SRRM4: variants seen among roughly 807,000 people sequenced by gnomAD.
SRRM4 encodes serine/arginine repetitive matrix protein 4.
Under a neutral mutation model 68.9 loss-of-function variants are expected in SRRM4, and 33 were observed. The observed-to-expected ratio is 0.48, with a 90% confidence interval of 0.36 to 0.64. The LOEUF is 0.64. SRRM4 is among the 30% of genes least tolerant of loss of function. SRRM4 has a pLI of 0.00. For missense variants in SRRM4, 817 were observed against 827.1 expected (o/e 0.99, Z 0.15); for synonymous variants, 318 against 318.8 (o/e 1.00, Z 0.03).
chr12:119,044,579 C>G (rs1398243894), intron 1 of SRRM4, among the ~76,000 whole-genome samples: 1 of 152,048 alleles, frequency 6.6e-6, no homozygotes, highest in Non-Finnish European at 1.5e-5. Context: ...TGGGCACAAG[C>G]TTTAGACCCA....
chr12:119,009,369 ACCTCTGCTCCCTGTC>A (rs1953435442), intron 1 of SRRM4, among the ~76,000 whole-genome samples: 1 of 151,974 alleles, frequency 6.6e-6, no homozygotes, highest in East Asian at 1.9e-4. Context: ...GTAGAGGTTC[ACCTCTGCTCCCTGTC>A]TCAGAGGGCC....
chr12:119,006,977 C>T (rs1203528771), intron 1 of SRRM4, among the ~76,000 whole-genome samples: 2 of 152,194 alleles, frequency 1.3e-5, no homozygotes, highest in African/African-American at 4.8e-5. Context: ...TTGGGATTGG[C>T]AGCTGCGGGC....
At chr12:119,136,921 G>A (rs1954332685) in intron 8 of SRRM4, among the ~76,000 whole-genome samples, 1 of 152,062 alleles carries the variant, frequency 6.6e-6, no homozygotes, top group Non-Finnish European at 1.5e-5. Flanking sequence ...AGCCCTAAAG[G>A]ACTTTGTTGT....
chr12:119,122,264 AAGGCAGGAAGGC>A (rs1954224680), intron 6 of SRRM4, 144 bp downstream of exon 6: 1 of 262,198 alleles, frequency 3.8e-6, no homozygotes, highest in African/African-American at 3.5e-5. Flanking sequence ...GGAAGGCAGG[AAGGCAGGAAGGC>A]AGGAAGGCAG....
chr12:119,020,160 C>A (rs1022832691), intron 1 of SRRM4, among the ~76,000 whole-genome samples: 2 of 152,006 alleles, frequency 1.3e-5, no homozygotes, highest in South Asian at 4.1e-4. Flanking sequence ...GGTGGTGGTG[C>A]TGCATGGGGC....
chr12:119,151,235 G>A lies in SRRM4; in HGVS notation c.1280+15G>A, dbSNP rs1270758787. 2 of 1,610,060 alleles carry A rather than the reference G, an allele frequency of 1.2e-6. No individual in the cohort carries two copies. On this transcript the variant is annotated intron_variant, in intron 10 of 12. Transcript: ENST00000267260. ...TCTGAAAAAAGGTGAGTGTGGTTTT[G>A]ACCTTTGCTCTGCAGCACCTTTCTC...
At chr12:119,032,517 T>TA (rs1416103810) in intron 1 of SRRM4, among the ~76,000 whole-genome samples, 3 of 152,104 alleles carry the variant, frequency 2.0e-5, no homozygotes, top group Admixed American at 2.0e-4. Context: ...CTTTTTGGAA[T>TA]AAATCTCACT....
chr12:119,100,327 C>CAAAAAA lies in SRRM4; in HGVS notation c.132-1898_132-1893dup, dbSNP rs34887621. Among the ~76,000 whole-genome samples, 33 of 105,432 alleles carry CAAAAAA rather than the reference C, an allele frequency of 3.1e-4. 3 individuals carry two copies. Among genetic ancestry groups the CAAAAAA allele is most frequent in the African/African-American group, 9.7e-4 (26 of 26,826 alleles). 69.2% of individuals were successfully genotyped at this position (105,432 alleles called of 152,430 possible). A position where few individuals can be genotyped will look rare whatever the true frequency, so the allele number is the denominator to read the frequency against. ...ACAATACAGTGGGACCCTGTCTCTA[C>CAAAAAA]AAAAAAAAAAAAAAAATCTGGGTGT... On this transcript the variant is annotated intron_variant, in intron 1 of 12. Coordinates refer to ENST00000267260, the MANE Select transcript of SRRM4 (RefSeq NM_194286.4).
At chr12:119,148,833 G>C (rs1262848020) in intron 9 of SRRM4, among the ~76,000 whole-genome samples, 3 of 152,214 alleles carry the variant, frequency 2.0e-5, no homozygotes, top group East Asian at 3.8e-4. Flanking sequence ...GTCCATGACT[G>C]TTTATGTCAT....
rs79114248 is a variant in SRRM4, at chr12:119,077,388, G to A, written c.132-24848G>A. 8.8e-3 allele frequency among the ~76,000 whole-genome samples: 1,345 copies of A among 152,058 alleles called. 22 individuals carry two copies. Among genetic ancestry groups the A allele is most frequent in the African/African-American group, 0.031 (1,274 of 41,466 alleles). On this transcript the variant is annotated intron_variant, in intron 1 of 12. Transcript: ENST00000267260. ...CTAGACTTGGAATTAACACACTTAC[G>A]ATTCTGGCTCTATCATGTACCAGCT...
chr12:118,983,061 G>A (rs1410284414), intron 1 of SRRM4, among the ~76,000 whole-genome samples: 1 of 152,138 alleles, frequency 6.6e-6, no homozygotes, highest in East Asian at 1.9e-4. Flanking sequence ...ATTAATCCTG[G>A]CAGTCTGCAT....
intron 2 of SRRM4, among the ~76,000 whole-genome samples, chr12:119,107,678 T>C (rs1954115704): frequency 6.6e-6 from 1 of 152,212 alleles, no homozygotes; most frequent in Admixed American, 6.5e-5. Flanking sequence ...CCTTTATCAT[T>C]TTTTATTGTG....
chr12:118,992,009 A>G (rs1347581551), intron 1 of SRRM4: 1 of 152,178 alleles, frequency 6.6e-6, no homozygotes. Context: ...AACATATTGG[A>G]ACCATAGTGC....
intron 1 of SRRM4, among the ~76,000 whole-genome samples, chr12:119,048,084 T>C (rs753564031): frequency 4.3e-4 from 65 of 152,242 alleles, no homozygotes; most frequent in Non-Finnish European, 4.0e-4. Flanking sequence ...AAATATTCTT[T>C]TATGTTGCCC....
In SRRM4 at chr12:119,157,982, G is replaced by A. The variant is rs1954484866; in HGVS notation, c.*1184G>A. On this transcript the variant is annotated 3_prime_UTR_variant, in exon 13 of 13. Transcript: ENST00000267260. This position sits in a 1 kb window ranked among gnomAD's most constrained non-coding sequence, Gnocchi z 4.1. ...GAGGGGCTTGGATATGCCATGTCTTGGGCTCCTGCTGGCTTCTGAGGTTTC... is the reference window on the plus strand; with the variant it reads ...GAGGGGCTTGGATATGCCATGTCTTAGGCTCCTGCTGGCTTCTGAGGTTTC... The A allele has an allele frequency of 6.5e-6, 1 of 152,748 alleles. No homozygotes were observed. The highest frequency in any genetic ancestry group is 2.4e-5 in the African/African-American group (1 of 41,440). The allele number at this position is 152,748 out of a possible 1,614,324, so 9.5% of individuals were successfully genotyped here.
At chr12:119,103,480 A>G (rs1377577535) in intron 2 of SRRM4, among the ~76,000 whole-genome samples, 1 of 152,130 alleles carries the variant, frequency 6.6e-6, no homozygotes, top group African/African-American at 2.4e-5. Flanking sequence ...TAAGTGGAGT[A>G]ATTTTCAAAA....
intron 8 of SRRM4, among the ~76,000 whole-genome samples, chr12:119,141,447 C>A (rs1954364779): frequency 1.3e-5 from 2 of 152,236 alleles, no homozygotes; most frequent in East Asian, 1.9e-4. Context: ...AGCTCACACA[C>A]CCAGCCGAGC....
intron 1 of SRRM4, among the ~76,000 whole-genome samples, chr12:119,003,895 A>G (rs1196262674): frequency 1.3e-5 from 2 of 152,094 alleles, no homozygotes; most frequent in African/African-American, 4.8e-5. Flanking sequence ...CTAAATTGTC[A>G]TATGAAGAGA....
intron 1 of SRRM4, among the ~76,000 whole-genome samples, chr12:119,080,679 C>T (rs1242958459): frequency 6.6e-6 from 1 of 152,208 alleles, no homozygotes; most frequent in Non-Finnish European, 1.5e-5. Context: ...GGTGGCAGAG[C>T]CAGGACCTGA....
Sources: gnomAD v4.1 joint callset for allele counts (sites outside exome capture counted in the v4.1 genomes callset) on GRCh38, gnomAD v4.1.1 for gene constraint, Gnocchi (gnomAD v3.1) non-coding constraint, MANE v1.5 for transcripts, NCBI Gene and HGNC (gene_info 2026-07-23, HGNC 2026-07-21) for gene names.